SCARB1: variants seen among roughly 807,000 people sequenced by gnomAD.
SCARB1 encodes the protein CD36 and LIMPII analogous 1.
Under a neutral mutation model 57.2 loss-of-function variants are expected in SCARB1, and 30 were observed. That is an observed-to-expected ratio of 0.52 (90% CI 0.39 to 0.71). The LOEUF (loss-of-function observed/expected upper bound fraction) is 0.71. Among genes scored for constraint, SCARB1 ranks in the 30% least tolerant of loss-of-function variants. SCARB1 has a pLI of 0.00. For synonymous variants in SCARB1, 249 were observed against 268.3 expected, an observed-to-expected ratio of 0.93 and a Z score of 0.70; for missense variants, 543 against 671.2, an observed-to-expected ratio of 0.81 and a Z score of 2.11.
chr12:124,803,623 T>G (rs941274550), intron 7 of SCARB1, among the ~76,000 whole-genome samples: 1 of 143,940 alleles, frequency 6.9e-6, no homozygotes. Context: ...AACTTCTTTG[T>G]ATCTATGTAT....
intron 1 of SCARB1, among the ~76,000 whole-genome samples, chr12:124,854,372 T>C (rs2135840887): frequency 6.6e-6 from 1 of 152,304 alleles, no homozygotes. Context: ...CAGGGGTGGA[T>C]GGCACAGGCC....
chr12:124,790,876 C>T (rs1056929837), intron 9 of SCARB1, among the ~76,000 whole-genome samples: 1 of 152,246 alleles, frequency 6.6e-6, no homozygotes, highest in Non-Finnish European at 1.5e-5. Flanking sequence ...AATGCTGGCC[C>T]GGAGCTGGCG....
At chr12:124,832,336 A>G (rs1036654807) in intron 1 of SCARB1, among the ~76,000 whole-genome samples, 2 of 152,172 alleles carry the variant, frequency 1.3e-5, no homozygotes, top group Non-Finnish European at 2.9e-5. Flanking sequence ...CCTGGCCAAC[A>G]TAGTGAAATC....
intron 1 of SCARB1, among the ~76,000 whole-genome samples, chr12:124,856,096 A>C (rs570377315): frequency 3.9e-4 from 60 of 152,350 alleles, no homozygotes; most frequent in African/African-American, 1.4e-3. Context: ...GGGACAGGGA[A>C]TGTTTCCTGG....
rs536057171 is a variant in SCARB1 at position 124,782,072 on chromosome 12, A to AT, written c.*610dup. Among the ~76,000 whole-genome samples, 5 of 151,748 alleles carry AT rather than the reference A, an allele frequency of 3.3e-5. No homozygotes were observed. In the East Asian group the frequency reaches 9.7e-4, roughly 29 times the overall value. On this transcript the variant is annotated intron_variant, in intron 12 of 12. Transcript: ENST00000261693. ...AAGCGTGTGCCACCACACCCAGCTA[A>AT]TTTTTTTTGTATTTTTAGTAGAGAC...
intron 11 of SCARB1, 130 bp from the exon 12 acceptor site, chr12:124,782,941 C>A: frequency 1.1e-6 from 1 of 900,888 alleles, no homozygotes; most frequent in East Asian, 2.6e-5. Context: ...CAACAACCCT[C>A]AACGATTGCA....
intron 1 of SCARB1, among the ~76,000 whole-genome samples, chr12:124,838,670 C>G (rs1166437174): frequency 1.3e-5 from 2 of 151,998 alleles, no homozygotes; most frequent in Non-Finnish European, 2.9e-5. Flanking sequence ...ACCAACAGCC[C>G]AACCCATTCA....
chr12:124,827,690 C>T (rs1052762596), intron 1 of SCARB1, among the ~76,000 whole-genome samples: 10 of 152,188 alleles, frequency 6.6e-5, no homozygotes, highest in African/African-American at 2.4e-4. Flanking sequence ...AGGGCCTTTG[C>T]ACCCACTGCT....
Position 124,811,910 on chromosome 12 carries a change from C to G in SCARB1, c.686G>C (p.Ser229Thr). ...CCACTTGTCCACGAGGTGGATCCTG[C>G]TGATGTTCTGGACCCCCGTGAACAC... ...FTVFTGVQNISRIHLVDKWNG... is the reference protein window; with the variant it reads ...FTVFTGVQNITRIHLVDKWNG... Residue 229 changes from serine to threonine, a missense_variant, in exon 5 of 13, where the codon AGC becomes ACC. Coordinates refer to ENST00000261693, the MANE Select transcript of SCARB1 (RefSeq NM_005505.5). 3.7e-6 allele frequency: 6 copies of G among 1,613,312 alleles called. No individual in the cohort carries two copies. The African/African-American group carries it at 6.7e-5, about 18-fold the overall frequency.
chr12:124,824,892 C>T lies in SCARB1; in HGVS notation c.127-7185G>A, dbSNP rs533497901. On this transcript the variant is annotated intron_variant, in intron 1 of 12. Transcript: ENST00000261693. ...ACTTACGTTATGACTCCATTATTCG[C>T]CCCTCTGGTATTCTATCCTATTCCA... Among the ~76,000 whole-genome samples, 30 of 152,326 alleles carry T rather than the reference C, an allele frequency of 2.0e-4. No individual in the cohort carries two copies. The South Asian group carries it at 5.2e-3, about 26-fold the overall frequency.
intron 1 of SCARB1, among the ~76,000 whole-genome samples, chr12:124,834,915 A>C (rs59230506): frequency 0.19 from 29,011 of 151,440 alleles, 2,899 homozygotes; most frequent in African/African-American, 0.23. Context: ...CCACCCCCCC[A>C]AAAAAAAGGC....
chr12:124,819,587 C>G (rs540207635), intron 1 of SCARB1, among the ~76,000 whole-genome samples: 2 of 152,304 alleles, frequency 1.3e-5, no homozygotes, highest in Non-Finnish European at 2.9e-5. Context: ...GGACATATCT[C>G]GGGCCCCTCA....
rs1228834041 is a variant in SCARB1 at position 124,853,385 on chromosome 12, G to GT, written c.126+10209dup. Among the ~76,000 whole-genome samples, 788 of 123,742 alleles carry GT rather than the reference G, an allele frequency of 6.4e-3. 8 individuals carry two copies. Among genetic ancestry groups the GT allele is most frequent in the African/African-American group, 0.023 (756 of 32,884 alleles). The allele number at this position is 123,742 out of a possible 152,430, so 81.2% of individuals were successfully genotyped here. On this transcript the variant is annotated intron_variant, in intron 1 of 12. Transcript: ENST00000261693. Reference sequence around the variant, plus strand: ...TTCTTGAAATGATCCAGTTTGCATAGTTTTGTTTTTTTTTTTTTTTTTTTT... The same window carrying GT: ...TTCTTGAAATGATCCAGTTTGCATAGTTTTTGTTTTTTTTTTTTTTTTTTTT...
chr12:124,859,835 T>C (rs1952814255), intron 1 of SCARB1, among the ~76,000 whole-genome samples: 1 of 151,728 alleles, frequency 6.6e-6, no homozygotes, highest in Non-Finnish European at 1.5e-5. Flanking sequence ...GGAAAGAAAA[T>C]ATAGAATATT....
At position 124,812,969 on chromosome 12, in the gene SCARB1, T is replaced by G. The variant is rs1950577652; in HGVS notation, c.631-1004A>C. Among the ~76,000 whole-genome samples, 2 of 152,208 alleles carry G rather than the reference T, an allele frequency of 1.3e-5. No individual in the cohort carries two copies. Among genetic ancestry groups the G allele is most frequent in the African/African-American group, 2.4e-5 (1 of 41,452 alleles). ...TAGTCTTTATTTTCATTATTATTGT[T>G]ATTATTAATAAATGCTCACCCAATA... On this transcript the variant is annotated intron_variant, in intron 4 of 12. Transcript: ENST00000261693. This position sits in a 1 kb window ranked among gnomAD's most constrained non-coding sequence, Gnocchi z 4.3.
intron 1 of SCARB1, among the ~76,000 whole-genome samples, chr12:124,859,549 T>C (rs1245404009): frequency 7.0e-6 from 1 of 143,532 alleles, no homozygotes; most frequent in Non-Finnish European, 1.5e-5. Context: ...AAAAAAAAAA[T>C]AGCATTACAG....
At chr12:124,855,441 G>A (rs1952588024) in intron 1 of SCARB1, among the ~76,000 whole-genome samples, 1 of 152,170 alleles carries the variant, frequency 6.6e-6, no homozygotes, top group African/African-American at 2.4e-5. Flanking sequence ...GGCCCTTTAA[G>A]GCTTCAAAGT....
At chr12:124,793,058 G>C (rs966131855) in intron 9 of SCARB1, among the ~76,000 whole-genome samples, 1 of 152,042 alleles carries the variant, frequency 6.6e-6, no homozygotes, top group Non-Finnish European at 1.5e-5. Flanking sequence ...AATCCATCAA[G>C]AACAAATTCC....
At chr12:124,841,911 G>C (rs1483130543) in intron 1 of SCARB1, among the ~76,000 whole-genome samples, 1 of 152,208 alleles carries the variant, frequency 6.6e-6, no homozygotes, top group African/African-American at 2.4e-5. Context: ...GCCGTGAGCA[G>C]GACCAGGTCT....
Sources: gnomAD v4.1 joint callset for allele counts (sites outside exome capture counted in the v4.1 genomes callset) on GRCh38, gnomAD v4.1.1 for gene constraint, Gnocchi (gnomAD v3.1) non-coding constraint, MANE v1.5 for transcripts, NCBI Gene and HGNC (gene_info 2026-07-23, HGNC 2026-07-21) for gene names.